The following MFSD11 variants were observed in gnomAD, a reference collection of about 807,000 sequenced individuals.
MFSD11 encodes UNC93-like protein MFSD11.
Under a neutral mutation model 53.5 loss-of-function variants are expected in MFSD11, and 36 were observed. That is an observed-to-expected ratio of 0.67 (90% CI 0.52 to 0.89). The LOEUF (loss-of-function observed/expected upper bound fraction) is 0.89, where lower values mean the gene tolerates loss of function less well. Among genes scored for constraint, MFSD11 ranks in the 40% least tolerant of loss-of-function variants. The pLI is 0.00. For missense variants in MFSD11, 530 were observed against 543.9 expected (o/e 0.97, Z 0.25); for synonymous variants, 186 against 184.9 (o/e 1.01, Z -0.05).
upstream of MFSD11, chr17:76,737,332 G>A (rs1037372719): frequency 6.2e-5 from 54 of 867,066 alleles, 1 homozygote; most frequent in Middle Eastern, 3.7e-4. Flanking sequence ...AGTAACAACT[G>A]GGCGGGCAGC....
Position 76,776,599 on chromosome 17 carries a change from C to T in MFSD11, c.1185+58C>T, listed in dbSNP as rs1364821217. ...TAGGGCTCTTCCCTTTGTGTATTGC[C>T]TTGTTTTCCTTGGTTACTTGTATTG... is the stretch of plus-strand genomic sequence containing the variant. On this transcript the variant is annotated intron_variant, in intron 12 of 12. Transcript: ENST00000685175. The surrounding 1 kb of genome is among the most constrained non-coding windows in gnomAD (Gnocchi z 4.2). 1.4e-6 allele frequency: 2 copies of T among 1,474,086 alleles called. No homozygotes were observed. Among genetic ancestry groups the T allele is most frequent in the Non-Finnish European group, 1.8e-6 (2 of 1,097,328 alleles). 91.3% of individuals were successfully genotyped at this position (1,474,086 alleles called of 1,614,324 possible). A position where few individuals can be genotyped will look rare whatever the true frequency, so the allele number is the denominator to read the frequency against.
At position 76,759,443 on chromosome 17, in the gene MFSD11, T is replaced by C. The variant is rs545244034; in HGVS notation, c.682+5356T>C. On this transcript the variant is annotated intron_variant, in intron 8 of 12. Coordinates refer to ENST00000685175, the MANE Select transcript of MFSD11 (RefSeq NM_001242532.5). Reference sequence around the variant, plus strand: ...GATTACAGGTGCCTGACACCACACCTAGCTAAATTTTTTGTATTTTTCTTT... The same window carrying C: ...GATTACAGGTGCCTGACACCACACCCAGCTAAATTTTTTGTATTTTTCTTT... 7.7e-4 allele frequency among the ~76,000 whole-genome samples: 117 copies of C among 151,720 alleles called. No individual in the cohort carries two copies. In the South Asian group the frequency reaches 0.012, roughly 16 times the overall value.
chr17:76,740,942 G>A lies in MFSD11; in HGVS notation c.153-15G>A. 8.2e-7 allele frequency: 1 copy of A among 1,224,506 alleles called. No homozygotes were observed. Among genetic ancestry groups the A allele is most frequent in the Non-Finnish European group, 1.2e-6 (1 of 864,770 alleles). The allele number at this position is 1,224,506 out of a possible 1,614,324, so 75.9% of individuals were successfully genotyped here. On this transcript the variant is annotated splice_polypyrimidine_tract_variant and intron_variant, in intron 2 of 12. Coordinates refer to ENST00000685175, the MANE Select transcript of MFSD11 (RefSeq NM_001242532.5). Reference sequence around the variant, plus strand: ...CTTTTTTTTTTTTTTTTCCGTTTGTGTATTATGTGTGCAGCATGGCTATTA... The same window carrying A: ...CTTTTTTTTTTTTTTTTCCGTTTGTATATTATGTGTGCAGCATGGCTATTA...
the MFSD11 span, among the ~76,000 whole-genome samples, chr17:76,786,488 AGC>A: frequency 6.6e-6 from 1 of 152,172 alleles, no homozygotes; most frequent in South Asian, 2.1e-4. Context: ...CACAGGACTC[AGC>A]ACGTGTTGAA....
At chr17:76,771,748 T>C (rs1018207696) in intron 10 of MFSD11, among the ~76,000 whole-genome samples, 3 of 152,106 alleles carry the variant, frequency 2.0e-5, no homozygotes, top group African/African-American at 4.8e-5. Flanking sequence ...AGTTGCGTGG[T>C]GGTGTGAGGA....
At chr17:76,801,154 G>T in the MFSD11 span, among the ~76,000 whole-genome samples, 4 of 151,720 alleles carry the variant, frequency 2.6e-5, no homozygotes, top group Non-Finnish European at 5.9e-5. Context: ...CACTTCGGGC[G>T]GCTGAGGAGA....
Position 76,775,101 on chromosome 17 carries a change from C to G in MFSD11, c.979C>G (p.Leu327Val), listed in dbSNP as rs774006074. 2 of 1,613,934 alleles carry G rather than the reference C, an allele frequency of 1.2e-6. No individual in the cohort carries two copies. The highest frequency in any genetic ancestry group is 2.7e-5 in the African/African-American group (2 of 74,906). ...CTTCATAGCTTTTTATCTAATATTTCTCAACATGCCTGGAGATGCCCCGAT... is the reference window on the plus strand; with the variant it reads ...CTTCATAGCTTTTTATCTAATATTTGTCAACATGCCTGGAGATGCCCCGAT... The part of the protein sequence containing the change: ...VHFIAFYLIF[L>V]NMPGDAPIAP... Residue 327 changes from leucine to valine, a missense_variant, in exon 11 of 13, where the codon CTC becomes GTC. Physicochemically the swap from Leu to Val is conservative, Grantham distance 32 (BLOSUM62 1). Transcript: ENST00000685175.
chr17:76,758,917 C>T (rs376434577), intron 8 of MFSD11, among the ~76,000 whole-genome samples: 2 of 151,950 alleles, frequency 1.3e-5, no homozygotes, highest in African/African-American at 2.4e-5. Flanking sequence ...CACTGTTCAC[C>T]GGAAGCCTTA....
At chr17:76,775,920 T>G (rs2081792342) in intron 11 of MFSD11, among the ~76,000 whole-genome samples, 1 of 152,224 alleles carries the variant, frequency 6.6e-6, no homozygotes, top group Non-Finnish European at 1.5e-5. Flanking sequence ...TAAAGGTGTG[T>G]GCATTTGAGC....
At chr17:76,767,324 T>C in intron 8 of MFSD11, 62 bp from the exon 9 acceptor site, 1 of 1,030,322 alleles carries the variant, frequency 9.7e-7, no homozygotes, top group Non-Finnish European at 1.5e-6. Context: ...GAAGGAAGTT[T>C]TAGAATGTTT....
chr17:76,763,657 A>G (rs1298442422), intron 8 of MFSD11, among the ~76,000 whole-genome samples: 1 of 152,090 alleles, frequency 6.6e-6, no homozygotes, highest in South Asian at 2.1e-4. Context: ...AGTTCTATAT[A>G]TATGATTTAC....
chr17:76,751,791 T>C (rs1455004308), intron 7 of MFSD11, among the ~76,000 whole-genome samples: 1 of 152,224 alleles, frequency 6.6e-6, no homozygotes. Flanking sequence ...CAATTATGCT[T>C]AACTTGCATT....
chr17:76,758,074 A>G (rs1418220633), intron 8 of MFSD11, among the ~76,000 whole-genome samples: 1 of 152,150 alleles, frequency 6.6e-6, no homozygotes, highest in Non-Finnish European at 1.5e-5. Context: ...ACTAAAACCT[A>G]TTGCAGATTC....
chr17:76,750,595 A>G (rs2078972984), intron 7 of MFSD11, among the ~76,000 whole-genome samples: 2 of 151,840 alleles, frequency 1.3e-5, no homozygotes, highest in South Asian at 2.1e-4. Flanking sequence ...TGACCTCGTG[A>G]TCCGCCCACC....
intron 8 of MFSD11, among the ~76,000 whole-genome samples, chr17:76,764,456 A>G (rs983052279): frequency 3.3e-5 from 5 of 152,180 alleles, no homozygotes; most frequent in East Asian, 3.9e-4. Context: ...CTCTGCTTCT[A>G]TGAGTTTGAC....
chr17:76,777,323 T>C (rs897170345), intron 12 of MFSD11, among the ~76,000 whole-genome samples: 1 of 151,096 alleles, frequency 6.6e-6, no homozygotes, highest in African/African-American at 2.4e-5. Flanking sequence ...TGGAGTGCAG[T>C]GGCACGATCT....
Position 76,749,540 on chromosome 17 carries a change from AAAG to A in MFSD11, c.642-4497_642-4495del, listed in dbSNP as rs1358879159. On this transcript the variant is annotated intron_variant, in intron 7 of 12. Transcript: ENST00000685175. ...GGGAGAGAGCCTGTCTCAAAAAAAA[AAAG>A]AAGAAGAAGGAACAATGTATGCTGT... 4.0e-5 allele frequency among the ~76,000 whole-genome samples: 6 copies of A among 150,842 alleles called. 1 individual carries two copies. The highest frequency in any genetic ancestry group is 7.4e-5 in the Non-Finnish European group (5 of 67,698).
At chr17:76,781,787 A>G (rs956895025), downstream of MFSD11, among the ~76,000 whole-genome samples, 1 of 152,082 alleles carries the variant, frequency 6.6e-6, no homozygotes, top group African/African-American at 2.4e-5. Context: ...GCTGCCTCCT[A>G]CTGGCTTTGT....
At chr17:76,781,981 C>G (rs997373778), downstream of MFSD11, among the ~76,000 whole-genome samples, 3 of 144,334 alleles carry the variant, frequency 2.1e-5, no homozygotes, top group Non-Finnish European at 4.4e-5. Context: ...ACCACCATGC[C>G]TGGATAATTT....
Sources: allele counts gnomAD v4.1 joint callset (sites outside exome capture counted in the v4.1 genomes callset), GRCh38; gene constraint gnomAD v4.1.1; non-coding constraint Gnocchi (gnomAD v3.1); transcripts MANE v1.5; gene names NCBI Gene and HGNC (gene_info 2026-07-23, HGNC 2026-07-21).